OPCML: variants seen among roughly 807,000 people sequenced by gnomAD.
The protein encoded by OPCML is opioid-binding protein/cell adhesion molecule.
Under a neutral mutation model 37.8 loss-of-function variants are expected in OPCML, and 13 were observed. The observed-to-expected ratio is 0.34, with a 90% CI of 0.22 to 0.55. OPCML has a LOEUF of 0.55. OPCML is among the 20% of genes least tolerant of loss of function. OPCML has a pLI of 0.91. For missense variants in OPCML, 341 were observed against 435.6 expected, an observed-to-expected ratio of 0.78 and a Z score of 1.93; for synonymous variants, 176 against 168.8, an observed-to-expected ratio of 1.04 and a Z score of -0.33.
rs1938452686 is a variant in OPCML at position 132,608,671 on chromosome 11, T to C, written c.379+48416A>G. 2.0e-5 allele frequency among the ~76,000 whole-genome samples: 3 copies of C among 152,188 alleles called. 1 individual carries two copies. In the South Asian group the frequency reaches 6.2e-4, roughly 32 times the overall value. On this transcript the variant is annotated intron_variant, in intron 3 of 7. Transcript: ENST00000524381. ...TAGCAGGAATAATCAATGGTAATAA[T>C]ATAGGACTGGAGCCTCTGGAGAGTA...
intron 1 of OPCML, among the ~76,000 whole-genome samples, chr11:133,035,385 G>T (rs1332813520): frequency 2.0e-5 from 3 of 152,134 alleles, no homozygotes; most frequent in Admixed American, 2.0e-4. Flanking sequence ...AGAGAAAATG[G>T]GACCTACAGG....
rs1445981396 is a variant in OPCML at position 133,174,039 on chromosome 11, C to T, written c.62-231029G>A. ...GCATGGAGAAACGGCCTGGCAGGCC[C>T]TGCACTGCGGCCATAAATCAGGAAC... On this transcript the variant is annotated intron_variant, in intron 1 of 7. Coordinates refer to ENST00000524381, the MANE Select transcript of OPCML (RefSeq NM_001012393.5). This position sits in a 1 kb window ranked among gnomAD's most constrained non-coding sequence, Gnocchi z 4.6. 6.6e-6 allele frequency among the ~76,000 whole-genome samples: 1 copy of T among 152,236 alleles called. No homozygotes were observed. Among genetic ancestry groups the T allele is most frequent in the Non-Finnish European group, 1.5e-5 (1 of 68,042 alleles).
At chr11:133,501,675 A>G (rs1947918093) in intron 1 of OPCML, among the ~76,000 whole-genome samples, 1 of 151,794 alleles carries the variant, frequency 6.6e-6, no homozygotes, top group Admixed American at 6.6e-5. Context: ...CTGTGAGGGG[A>G]GCTGGCTTCA....
At chr11:133,067,418 A>G (rs1466181748) in intron 1 of OPCML, 1 of 152,110 alleles carries the variant, frequency 6.6e-6, no homozygotes. Context: ...GCTCTGTGGG[A>G]CTCCTCTGGG....
chr11:132,599,242 C>A (rs568585346), intron 3 of OPCML, among the ~76,000 whole-genome samples: 1 of 152,112 alleles, frequency 6.6e-6, no homozygotes, highest in South Asian at 2.1e-4. Context: ...GCCGAGATTG[C>A]ACCACTGCAC....
intron 1 of OPCML, among the ~76,000 whole-genome samples, chr11:133,432,949 C>T (rs1369156038): frequency 6.6e-6 from 1 of 152,144 alleles, no homozygotes; most frequent in Non-Finnish European, 1.5e-5. Context: ...CATTCAGGCA[C>T]TAACCCATGA....
At chr11:132,815,228 T>A (rs1039558312) in intron 2 of OPCML, among the ~76,000 whole-genome samples, 2 of 152,146 alleles carry the variant, frequency 1.3e-5, no homozygotes, top group Non-Finnish European at 2.9e-5. Context: ...GCCTTTCCCT[T>A]TTTGATGACC....
At chr11:133,037,519 G>A (rs967711110) in intron 1 of OPCML, among the ~76,000 whole-genome samples, 2 of 152,072 alleles carry the variant, frequency 1.3e-5, no homozygotes, top group South Asian at 2.1e-4. Context: ...TATTTTACTC[G>A]GAGCTAGACT....
At chr11:132,795,929 C>A (rs1165000632) in intron 2 of OPCML, among the ~76,000 whole-genome samples, 2 of 152,200 alleles carry the variant, frequency 1.3e-5, no homozygotes, top group Non-Finnish European at 2.9e-5. Context: ...ATGGATTCAA[C>A]CAAGCTCAGA....
intron 2 of OPCML, among the ~76,000 whole-genome samples, chr11:132,717,377 G>A (rs182113775): frequency 6.6e-6 from 1 of 152,174 alleles, no homozygotes; most frequent in Admixed American, 6.5e-5. Context: ...TATTATGCAG[G>A]CATTACAGTT....
chr11:133,241,610 C>T (rs1011576543), intron 1 of OPCML, among the ~76,000 whole-genome samples: 5 of 152,248 alleles, frequency 3.3e-5, no homozygotes, highest in Non-Finnish European at 5.9e-5. Context: ...CCTTCGCTCA[C>T]ATTTTAACCC....
chr11:133,168,473 G>A (rs536334417), intron 1 of OPCML, among the ~76,000 whole-genome samples: 9 of 152,252 alleles, frequency 5.9e-5, no homozygotes, highest in Non-Finnish European at 1.3e-4. Flanking sequence ...GTGTTTTGGG[G>A]TTAATAAGAA....
chr11:132,422,665 G>T (rs1279276251), intron 7 of OPCML, among the ~76,000 whole-genome samples: 1 of 152,214 alleles, frequency 6.6e-6, no homozygotes, highest in Non-Finnish European at 1.5e-5. Flanking sequence ...ATGTGCTACT[G>T]TCATTCCCAC....
At chr11:133,143,087 A>G (rs1949848692) in intron 1 of OPCML, among the ~76,000 whole-genome samples, 1 of 152,204 alleles carries the variant, frequency 6.6e-6, no homozygotes, top group South Asian at 2.1e-4. Flanking sequence ...GGGCCTTAGC[A>G]GATGAGTCAG....
chr11:133,256,036 G>T (rs1026500943), intron 1 of OPCML, among the ~76,000 whole-genome samples: 2 of 152,158 alleles, frequency 1.3e-5, no homozygotes, highest in African/African-American at 4.8e-5. Context: ...TTGCTACAAA[G>T]GCGGCTAAGG....
intron 2 of OPCML, among the ~76,000 whole-genome samples, chr11:132,678,313 G>A (rs1478454132): frequency 1.3e-5 from 2 of 152,182 alleles, no homozygotes; most frequent in African/African-American, 2.4e-5. Flanking sequence ...AAATGATATG[G>A]CCAATTTGAA....
intron 1 of OPCML, among the ~76,000 whole-genome samples, chr11:133,112,732 C>T (rs1013485765): frequency 1.3e-5 from 2 of 152,170 alleles, no homozygotes; most frequent in African/African-American, 2.4e-5. Flanking sequence ...ACTGTAGTGC[C>T]ATCACACCTC....
In OPCML at chr11:132,436,194, G is replaced by A. The variant is rs767079791; in HGVS notation, c.808C>T (p.Arg270Cys). 1.1e-5 allele frequency: 18 copies of A among 1,614,162 alleles called. No individual in the cohort carries two copies. Among genetic ancestry groups the A allele is most frequent in the Non-Finnish European group, 1.4e-5 (17 of 1,180,030 alleles). Residue 270 changes from arginine to cysteine, a missense_variant, in exon 7 of 8, where the codon CGC becomes TGC. Arg to Cys is a radical substitution (Grantham distance 180). Coordinates refer to ENST00000524381, the MANE Select transcript of OPCML (RefSeq NM_001012393.5). ...LDGMRIENKG[R>C]MSTLTFFNVS... is the part of the protein sequence containing the mutation. ...TTGAAGAAAGTCAGAGTGGACATGC[G>A]GCCTTTGTTTTCAATCCTCATTCCA...
chr11:133,035,842 T>C (rs1390942818), intron 1 of OPCML, among the ~76,000 whole-genome samples: 2 of 152,020 alleles, frequency 1.3e-5, no homozygotes, highest in Non-Finnish European at 1.5e-5. Context: ...ACCTTGAGGC[T>C]GAATAAGGTT....
Sources: gnomAD v4.1 joint callset for allele counts (sites outside exome capture counted in the v4.1 genomes callset) on GRCh38, gnomAD v4.1.1 for gene constraint, Gnocchi (gnomAD v3.1) non-coding constraint, MANE v1.5 for transcripts, NCBI Gene and HGNC (gene_info 2026-07-23, HGNC 2026-07-21) for gene names.